ANK1: variants seen among roughly 807,000 people sequenced by gnomAD.
ANK1 encodes the protein ankyrin-1.
ANK1 carries 51 observed loss-of-function variants against 210.4 expected under a neutral mutation model. The ratio of observed to expected loss-of-function variants is 0.24; its 90% CI spans 0.19 to 0.31. The LOEUF (loss-of-function observed/expected upper bound fraction) is 0.31. Ranked by LOEUF, ANK1 falls within the 10% of genes least tolerant of loss-of-function variation. The pLI is 1.00. For synonymous variants in ANK1, 967 were observed against 1,025.9 expected (o/e 0.94, Z 1.10); for missense variants, 2,051 against 2,504.4 (o/e 0.82, Z 3.86).
At chr8:41,775,369 C>G (rs1375248442) in intron 1 of ANK1, among the ~76,000 whole-genome samples, 1 of 152,140 alleles carries the variant, frequency 6.6e-6, no homozygotes, top group Non-Finnish European at 1.5e-5. Context: ...TCCAGAGGGG[C>G]TTGTGACCCT....
chr8:41,767,601 A>G (rs1039184955), intron 1 of ANK1, among the ~76,000 whole-genome samples: 1 of 152,098 alleles, frequency 6.6e-6, no homozygotes, highest in African/African-American at 2.4e-5. Flanking sequence ...CAGATGGGAA[A>G]GTTAATGCGA....
At chr8:41,683,848 G>T (rs1049144703) in intron 37 of ANK1, among the ~76,000 whole-genome samples, 2 of 152,192 alleles carry the variant, frequency 1.3e-5, no homozygotes, top group Non-Finnish European at 2.9e-5. Context: ...AGTGGCAGGG[G>T]CTTGGGGGCA....
chr8:41,866,099 C>T (rs1364765543), intron 1 of ANK1, among the ~76,000 whole-genome samples: 1 of 152,256 alleles, frequency 6.6e-6, no homozygotes, highest in East Asian at 1.9e-4. Context: ...CCTCCCTTCT[C>T]TTGGGGCCAC....
chr8:41,661,377 G>A, intron 42 of ANK1, 53 bp downstream of exon 42: 1 of 1,606,490 alleles, frequency 6.2e-7, no homozygotes, highest in Non-Finnish European at 8.5e-7. Flanking sequence ...ACAGGGAGCA[G>A]CCACTCCACT....
Position 41,770,693 on chromosome 8 carries a change from T to C in ANK1, c.28-12556A>G, listed in dbSNP as rs570083098. The stretch of plus-strand genomic sequence containing the variant: ...GACATTAGTCATGACCTCCTTAGGG[T>C]TGAGGCTTTGAAAAACTTAGGCAGG... On this transcript the variant is annotated intron_variant, in intron 1 of 42. Coordinates refer to ENST00000289734, the MANE Select transcript of ANK1 (RefSeq NM_000037.4). Among the ~76,000 whole-genome samples, 48 of 152,234 alleles carry C rather than the reference T, an allele frequency of 3.2e-4. No homozygotes were observed. In the South Asian group the frequency reaches 3.3e-3, roughly 11 times the overall value.
At chr8:41,841,519 G>A (rs1417699710) in intron 1 of ANK1, among the ~76,000 whole-genome samples, 1 of 152,124 alleles carries the variant, frequency 6.6e-6, no homozygotes, top group African/African-American at 2.4e-5. Context: ...TTGTTGGGAG[G>A]ATGACTCCCC....
chr8:41,827,931 C>G lies in ANK1; in HGVS notation c.126+68424G>C, dbSNP rs371930098. Among the ~76,000 whole-genome samples, 41 of 152,300 alleles carry G rather than the reference C, an allele frequency of 2.7e-4. No individual in the cohort carries two copies. The South Asian group carries it at 3.7e-3, about 14-fold the overall frequency. On this transcript the variant is annotated intron_variant, in intron 1 of 42. Coordinates refer to the ANK1 transcript ENST00000265709. ...ACGTGCACACACCCACATACACACA[C>G]GCACTCACACATGCATACACAGATA...
At position 41,708,957 on chromosome 8, in the gene ANK1, G is replaced by T; in HGVS notation, c.1819C>A (p.His607Asn). 1 of 1,614,036 alleles carries T rather than the reference G, an allele frequency of 6.2e-7. No homozygotes were observed. The highest frequency in any genetic ancestry group is 1.1e-5 in the South Asian group (1 of 91,078). Residue 607 changes from histidine (H) to asparagine (N), a missense_variant, in exon 17 of 43, where the codon CAC becomes AAC. His to Asn is a moderately conservative substitution (Grantham distance 68). Around this residue, in one of 6 missense-constraint regions of ANK1, gnomAD observed 1,413 missense variants for 1,707.4 expected, o/e 0.83. Transcript: ENST00000289734. The stretch of plus-strand genomic sequence containing the variant: ...ACCTGGTTCTGCTTGGCAGCGATGT[G>T]CAAAGGGGTGTAGCCATTCTGAAAC... ...SPAWNGYTPL[H>N]IAAKQNQVEV...
rs574168124 is a variant in ANK1 at position 41,743,303 on chromosome 8, G to A, written c.130-9234C>T. On this transcript the variant is annotated intron_variant, in intron 2 of 42. Coordinates refer to ENST00000289734, the MANE Select transcript of ANK1 (RefSeq NM_000037.4). ...GGCAAAGACCATGGAGCCACAGGAG[G>A]CAGAGCAGATGATGGGAAGGGAAGG... 2.0e-4 allele frequency among the ~76,000 whole-genome samples: 31 copies of A among 152,284 alleles called. 2 individuals carry two copies. The highest frequency in any genetic ancestry group is 7.2e-4 in the African/African-American group (30 of 41,560).
upstream of ANK1, among the ~76,000 whole-genome samples, chr8:41,799,581 TAG>T (rs1849539983): frequency 6.6e-6 from 1 of 151,976 alleles, no homozygotes; most frequent in South Asian, 2.1e-4. Context: ...ATCCTGTAGG[TAG>T]AGAGTATAAT....
chr8:41,723,912 C>T (rs1830017377), intron 7 of ANK1, among the ~76,000 whole-genome samples: 1 of 151,444 alleles, frequency 6.6e-6, no homozygotes, highest in Non-Finnish European at 1.5e-5. Context: ...GCCTCAGCCT[C>T]CTGTGTAGCT....
At chr8:41,666,107 T>C (rs1015667696) in intron 39 of ANK1, among the ~76,000 whole-genome samples, 9 of 152,226 alleles carry the variant, frequency 5.9e-5, no homozygotes, top group Admixed American at 3.9e-4. Context: ...TTGGGAAGGC[T>C]GGGGACCTTC....
upstream of ANK1, chr8:41,797,740 C>T: frequency 1.5e-6 from 1 of 678,032 alleles, no homozygotes; most frequent in Non-Finnish European, 2.3e-6. The surrounding 1 kb of genome is among the most constrained non-coding windows in gnomAD (Gnocchi z 4.0). Context: ...CGCCTGGGGA[C>T]CGCAGATTAC....
rs1402114340 is a variant in ANK1, at chr8:41,701,554, A to C, written c.2457T>G (p.Asp819Glu). ...TVDEILDVSE[D>E]EGEELISFKA... ...AGCTCTTTACCCCAACGTTACCTTCATCTTCCGAGACATCCAGGATCTCAT... is the reference window on the plus strand; with the variant it reads ...AGCTCTTTACCCCAACGTTACCTTCCTCTTCCGAGACATCCAGGATCTCAT... The change falls in exon 22 of 43, where the codon GAT becomes GAG. Residue 819 changes from aspartate (D) to glutamate (E), a missense_variant. Asp to Glu is a conservative substitution (Grantham distance 45). Coordinates refer to ENST00000289734, the MANE Select transcript of ANK1 (RefSeq NM_000037.4). 2 of 1,614,110 alleles carry C rather than the reference A, an allele frequency of 1.2e-6. No homozygotes were observed. Among genetic ancestry groups the C allele is most frequent in the Non-Finnish European group, 1.7e-6 (2 of 1,180,002 alleles).
At chr8:41,764,477 A>G (rs1003567664) in intron 1 of ANK1, among the ~76,000 whole-genome samples, 1 of 152,186 alleles carries the variant, frequency 6.6e-6, no homozygotes, top group African/African-American at 2.4e-5. Flanking sequence ...AAACCTGACC[A>G]TCTCTGGGCT....
chr8:41,764,655 C>T (rs781480271), intron 1 of ANK1, among the ~76,000 whole-genome samples: 2 of 152,170 alleles, frequency 1.3e-5, no homozygotes, highest in Non-Finnish European at 2.9e-5. Context: ...CCAAAGCTGT[C>T]TTCTGGTGTC....
At chr8:41,863,863 A>C (rs1389184763) in intron 1 of ANK1, among the ~76,000 whole-genome samples, 1 of 152,194 alleles carries the variant, frequency 6.6e-6, no homozygotes, top group Non-Finnish European at 1.5e-5. Context: ...GGGGCTTACC[A>C]TGCTCTAAGG....
intron 40 of ANK1, 132 bp from the exon 41 acceptor site, chr8:41,662,073 A>G (rs1273776800): frequency 7.6e-6 from 9 of 1,183,442 alleles, no homozygotes; most frequent in Non-Finnish European, 9.7e-6. Flanking sequence ...CCTGGCCAAC[A>G]TGGTGAAACC....
chr8:41,889,715 T>G (rs1819070337), intron 1 of ANK1, among the ~76,000 whole-genome samples: 1 of 152,226 alleles, frequency 6.6e-6, no homozygotes, highest in Non-Finnish European at 1.5e-5. Flanking sequence ...CCATTATCTG[T>G]GACAGTTCAC....
Sources: gnomAD v4.1 joint callset for allele counts (sites outside exome capture counted in the v4.1 genomes callset) on GRCh38, gnomAD v4.1.1 for gene constraint, gnomAD v4.1.1 regional missense constraint, Gnocchi (gnomAD v3.1) non-coding constraint, MANE v1.5 for transcripts, NCBI Gene and HGNC (gene_info 2026-07-23, HGNC 2026-07-21) for gene names.